Variants in ZPBP observed in about 807,000 individuals in gnomAD.
ZPBP encodes the protein zona pellucida-binding protein 1.
ZPBP carries 26 observed loss-of-function variants against 44.8 expected under a neutral mutation model. That is an observed-to-expected ratio of 0.58 (90% CI 0.43 to 0.81). The LOEUF (loss-of-function observed/expected upper bound fraction) is 0.81. Ranked by LOEUF, ZPBP falls within the 30% of genes least tolerant of loss-of-function variation. The pLI, the probability that ZPBP is intolerant of heterozygous loss-of-function variation, is 0.00. For synonymous variants in ZPBP, 174 were observed against 153.2 expected (o/e 1.14, Z -1.00); for missense variants, 409 against 434.0 (o/e 0.94, Z 0.51).
intron 2 of ZPBP, among the ~76,000 whole-genome samples, chr7:49,870,259 G>A (rs889675848): frequency 6.6e-6 from 1 of 152,112 alleles, no homozygotes; most frequent in African/African-American, 2.4e-5. Context: ...AATTAGCTGG[G>A]CATGGTGGCG....
At chr7:49,882,107 T>C (rs1791689729) in intron 2 of ZPBP, among the ~76,000 whole-genome samples, 1 of 152,176 alleles carries the variant, frequency 6.6e-6, no homozygotes, top group Non-Finnish European at 1.5e-5. Flanking sequence ...TGTATAAACA[T>C]AGATTTATAT....
At chr7:49,876,016 G>A (rs1213323630) in intron 2 of ZPBP, among the ~76,000 whole-genome samples, 1 of 152,144 alleles carries the variant, frequency 6.6e-6, no homozygotes, top group Non-Finnish European at 1.5e-5. Flanking sequence ...ATGGACCCAG[G>A]CAATATTCTC....
chr7:49,904,378 C>A (rs1156950100), intron 1 of ZPBP, among the ~76,000 whole-genome samples: 1 of 152,154 alleles, frequency 6.6e-6, no homozygotes, highest in Non-Finnish European at 1.5e-5. Context: ...ACCTCCTACT[C>A]CCTTTGCAAC....
At chr7:49,977,057 C>T (rs2128774086) in intron 7 of ZPBP, among the ~76,000 whole-genome samples, 1 of 150,744 alleles carries the variant, frequency 6.6e-6, no homozygotes, top group East Asian at 2.0e-4. Flanking sequence ...AGCCGAGATC[C>T]CGCCACTGCA....
chr7:49,864,673 C>A (rs969749062), intron 2 of ZPBP, among the ~76,000 whole-genome samples: 1 of 152,210 alleles, frequency 6.6e-6, no homozygotes, highest in Non-Finnish European at 1.5e-5. Context: ...CAGAGGCCTG[C>A]ATCTTCTGTT....
chr7:50,064,017 C>G (rs1228073171), intron 3 of ZPBP, among the ~76,000 whole-genome samples: 1 of 152,142 alleles, frequency 6.6e-6, no homozygotes, highest in Non-Finnish European at 1.5e-5. Context: ...TTTCCAGTCT[C>G]TTATGTATCG....
At chr7:49,884,468 G>A (rs531358945) in intron 2 of ZPBP, among the ~76,000 whole-genome samples, 14 of 152,236 alleles carry the variant, frequency 9.2e-5, no homozygotes, top group African/African-American at 3.1e-4. Context: ...ATTCGGGGTG[G>A]GGTAAGAAAG....
chr7:50,021,900 C>G (rs922542608), intron 5 of ZPBP, among the ~76,000 whole-genome samples: 4 of 151,968 alleles, frequency 2.6e-5, no homozygotes, highest in African/African-American at 7.3e-5. Flanking sequence ...AATGGGCAAC[C>G]ATTTTTTAAA....
chr7:49,925,816 C>A (rs1794216413), intron 1 of ZPBP, among the ~76,000 whole-genome samples: 2 of 152,230 alleles, frequency 1.3e-5, no homozygotes, highest in Admixed American at 1.3e-4. Context: ...TCTTTCAGAT[C>A]TCCCTCTAAA....
At chr7:50,085,473 T>C (rs1016708428) in intron 2 of ZPBP, among the ~76,000 whole-genome samples, 1 of 152,050 alleles carries the variant, frequency 6.6e-6, no homozygotes, top group African/African-American at 2.4e-5. Flanking sequence ...TAAGGAGCCA[T>C]GACAACCAAC....
intron 1 of ZPBP, among the ~76,000 whole-genome samples, chr7:49,922,636 T>G (rs578088664): frequency 2.6e-5 from 4 of 152,312 alleles, no homozygotes; most frequent in Non-Finnish European, 4.4e-5. Context: ...CCTATTGGAA[T>G]AGCATGCTGA....
chr7:49,950,317 A>G (rs2128757934), intron 7 of ZPBP, among the ~76,000 whole-genome samples: 1 of 152,054 alleles, frequency 6.6e-6, no homozygotes, highest in South Asian at 2.1e-4. Context: ...CTCAGTCTTG[A>G]TATTTAAAAA....
chr7:50,010,220 AG>A (rs1798506599), intron 6 of ZPBP, among the ~76,000 whole-genome samples: 1 of 152,194 alleles, frequency 6.6e-6, no homozygotes, highest in South Asian at 2.1e-4. Context: ...CGCTACCATT[AG>A]TAAGTCTTAC....
intron 7 of ZPBP, among the ~76,000 whole-genome samples, chr7:49,953,954 C>T (rs1251781959): frequency 6.6e-6 from 1 of 151,976 alleles, no homozygotes; most frequent in East Asian, 1.9e-4. Flanking sequence ...AATGGAAATG[C>T]CAACCCTCAA....
chr7:49,956,271 T>C (rs1795587289), intron 7 of ZPBP, among the ~76,000 whole-genome samples: 1 of 152,038 alleles, frequency 6.6e-6, no homozygotes, highest in African/African-American at 2.4e-5. Flanking sequence ...TAATAATGAA[T>C]ATATAACACT....
chr7:50,029,036 T>C (rs1799471273), intron 5 of ZPBP, among the ~76,000 whole-genome samples: 1 of 152,070 alleles, frequency 6.6e-6, no homozygotes, highest in African/African-American at 2.4e-5. Context: ...AAAACAATGT[T>C]GAAAAGGAAG....
At chr7:50,031,450 C>A in intron 4 of ZPBP, 140 bp from the exon 5 acceptor site, 1 of 678,290 alleles carries the variant, frequency 1.5e-6, no homozygotes. Context: ...ATTTTTAGTT[C>A]TCCAACACTT....
At chr7:50,013,923 C>A (rs1798695432) in intron 6 of ZPBP, among the ~76,000 whole-genome samples, 1 of 152,040 alleles carries the variant, frequency 6.6e-6, no homozygotes, top group Non-Finnish European at 1.5e-5. Flanking sequence ...TTTTCTTCTT[C>A]AACTTCTAGA....
chr7:50,087,042 T>G (rs1802697930), intron 2 of ZPBP, among the ~76,000 whole-genome samples: 1 of 152,036 alleles, frequency 6.6e-6, no homozygotes, highest in Non-Finnish European at 1.5e-5. Flanking sequence ...AATGAGTGAT[T>G]AAACTGGTAA....
Sources: allele counts gnomAD v4.1 joint callset (sites outside exome capture counted in the v4.1 genomes callset), GRCh38; gene constraint gnomAD v4.1.1; transcripts MANE v1.5; gene names NCBI Gene and HGNC (gene_info 2026-07-23, HGNC 2026-07-21).